Variants in MINAR1 observed in about 807,000 individuals in gnomAD.
The protein encoded by MINAR1 is membrane integral NOTCH2 associated receptor 1.
In MINAR1, 40 loss-of-function variants were observed where a neutral mutation model predicts 65.1. That is an observed-to-expected ratio of 0.61 (90% CI 0.48 to 0.80). The LOEUF is 0.80. MINAR1 is among the 30% of genes least tolerant of loss of function. MINAR1 has a pLI of 0.00. For synonymous variants in MINAR1, 482 were observed against 449.1 expected (o/e 1.07, Z -0.93); for missense variants, 1,128 against 1,148.0 (o/e 0.98, Z 0.25).
intron 2 of MINAR1, among the ~76,000 whole-genome samples, chr15:79,459,107 G>A (rs957308793): frequency 4.6e-5 from 7 of 152,084 alleles, no homozygotes; most frequent in Non-Finnish European, 8.8e-5. Flanking sequence ...TTGAACCCAG[G>A]AGGCAGAGGT....
chr15:79,455,868 C>T (rs1263219479), intron 1 of MINAR1, among the ~76,000 whole-genome samples: 1 of 152,176 alleles, frequency 6.6e-6, no homozygotes, highest in African/African-American at 2.4e-5. Context: ...CAAGTGCCAT[C>T]ATAGTGAACA....
the MINAR1 span, chr15:79,422,643 A>AG: frequency 6.6e-6 from 1 of 152,216 alleles, no homozygotes. Context: ...AGAAAAAAAA[A>AG]CAAATGGCAA....
intron 1 of MINAR1, among the ~76,000 whole-genome samples, chr15:79,435,090 C>A (rs146366828): frequency 0.018 from 2,748 of 152,246 alleles, 34 homozygotes; most frequent in Non-Finnish European, 0.026. Context: ...GCCTGACCAA[C>A]ATGGAGAAAC....
At chr15:79,421,289 G>T in the MINAR1 span, 1 of 152,212 alleles carries the variant, frequency 6.6e-6, no homozygotes, top group Non-Finnish European at 1.5e-5. Flanking sequence ...GCAGGTAGCA[G>T]TTTGTGGGTC....
intron 1 of MINAR1, among the ~76,000 whole-genome samples, chr15:79,441,792 A>G (rs1894875608): frequency 1.3e-5 from 2 of 151,490 alleles, no homozygotes; most frequent in Admixed American, 1.3e-4. Flanking sequence ...CCTTAATAAT[A>G]GTCAGAACCC....
chr15:79,427,817 G>A (rs770268893), upstream of MINAR1, among the ~76,000 whole-genome samples: 32 of 152,136 alleles, frequency 2.1e-4, no homozygotes, highest in Admixed American at 9.2e-4. Flanking sequence ...CTGGGTTCAG[G>A]GTGAAGTCAC....
intron 2 of MINAR1, among the ~76,000 whole-genome samples, chr15:79,460,369 AAC>A (rs1895601831): frequency 6.6e-6 from 1 of 152,164 alleles, no homozygotes; most frequent in Non-Finnish European, 1.5e-5. Flanking sequence ...TTCCTTTAAA[AAC>A]AGTGTTCCCT....
the MINAR1 span, chr15:79,413,312 A>G: frequency 1.3e-5 from 2 of 152,240 alleles, no homozygotes; most frequent in Non-Finnish European, 1.5e-5. Context: ...TGGCAGGTCA[A>G]TCGTTTGCAA....
chr15:79,424,282 G>C, the MINAR1 span: 1 of 152,210 alleles, frequency 6.6e-6, no homozygotes, highest in African/African-American at 2.4e-5. Flanking sequence ...AATAGCACCT[G>C]AAGCACCAGC....
intron 1 of MINAR1, among the ~76,000 whole-genome samples, chr15:79,439,329 TG>T (rs1194215570): frequency 3.0e-5 from 1 of 32,938 alleles, no homozygotes; most frequent in African/African-American, 9.8e-5. Context: ...GAGATGTGGG[TG>T]GGGTAGGCAG....
chr15:79,411,772 ACTT>A, the MINAR1 span: 1 of 403,486 alleles, frequency 2.5e-6, no homozygotes, highest in East Asian at 4.3e-5. Context: ...TAGGGGCAGC[ACTT>A]CAGCCTGGGT....
chr15:79,420,446 A>G, the MINAR1 span: 1 of 152,240 alleles, frequency 6.6e-6, no homozygotes, highest in Non-Finnish European at 1.5e-5. Context: ...CAGGAATTAC[A>G]AATTATCGCA....
chr15:79,462,660 G>A (rs1314886236), intron 2 of MINAR1, among the ~76,000 whole-genome samples: 1 of 152,104 alleles, frequency 6.6e-6, no homozygotes, highest in Non-Finnish European at 1.5e-5. Flanking sequence ...AAGAAAGAGG[G>A]GGCATTAATA....
intron 3 of MINAR1, among the ~76,000 whole-genome samples, chr15:79,464,619 TACA>T (rs1287197073): frequency 5.9e-5 from 9 of 152,216 alleles, no homozygotes; most frequent in Admixed American, 5.9e-4. Flanking sequence ...AGTTTTATGT[TACA>T]AAAGAAAATG....
rs145838628 is a variant in MINAR1 at position 79,456,969 on chromosome 15, G to C, written c.822G>C (p.Leu274Phe). The C allele has an allele frequency of 6.8e-6, 11 of 1,613,974 alleles. No homozygotes were observed. In the African/African-American group the frequency reaches 9.3e-5, roughly 14 times the overall value. ...FHNLMAVSPS[L>F]VGPISKAENE... ...ATTTGATGGCAGTGTCCCCCAGTTTGGTTGGCCCCATCAGCAAAGCAGAGA... is the reference window on the plus strand; with the variant it reads ...ATTTGATGGCAGTGTCCCCCAGTTTCGTTGGCCCCATCAGCAAAGCAGAGA... The change falls in exon 2 of 4, where the codon TTG becomes TTC. Residue 274 changes from leucine (L) to phenylalanine (F), a missense_variant. By Grantham distance (22) the Leu-to-Phe change is conservative (BLOSUM62 0). Transcript: ENST00000305428.
At chr15:79,420,098 T>C in the MINAR1 span, 17 of 152,144 alleles carry the variant, frequency 1.1e-4, no homozygotes, top group Non-Finnish European at 2.5e-4. Flanking sequence ...AAAGATAGAC[T>C]ATTATGTATG....
intron 1 of MINAR1, among the ~76,000 whole-genome samples, chr15:79,437,930 A>G (rs1023923256): frequency 8.1e-4 from 1 of 1,236 alleles, no homozygotes; most frequent in Non-Finnish European, 1.6e-3. Flanking sequence ...TGGGGTGTGG[A>G]TGGGGTGGTA....
chr15:79,441,430 A>G (rs1177976796), intron 1 of MINAR1, among the ~76,000 whole-genome samples: 1 of 152,218 alleles, frequency 6.6e-6, no homozygotes, highest in East Asian at 1.9e-4. Context: ...GCTACATGGT[A>G]TTCTATCATA....
At chr15:79,437,730 T>G (rs1211228436) in intron 1 of MINAR1, among the ~76,000 whole-genome samples, 1 of 23,754 alleles carries the variant, frequency 4.2e-5, no homozygotes, top group Non-Finnish European at 8.8e-5. Flanking sequence ...GTAGTGAGTG[T>G]GTGGGGTGTG....
Sources: allele counts gnomAD v4.1 joint callset (sites outside exome capture counted in the v4.1 genomes callset), GRCh38; gene constraint gnomAD v4.1.1; transcripts MANE v1.5; gene names NCBI Gene and HGNC (gene_info 2026-07-23, HGNC 2026-07-21).